Variants in TIGD4 observed in about 807,000 individuals in gnomAD.
TIGD4 encodes the protein tigger transposable element derived 4.
TIGD4 carries 20 observed loss-of-function variants against 24.9 expected under a neutral mutation model. That is an observed-to-expected ratio of 0.80 (90% CI 0.56 to 1.17). The LOEUF is 1.17. Among genes scored for constraint, TIGD4 ranks in the 50% most tolerant of loss-of-function variants. The probability of loss-of-function intolerance (pLI) is 0.00; values close to 1 mark genes in which losing one functional copy is unlikely to be tolerated. For synonymous variants in TIGD4, 193 were observed against 211.0 expected (o/e 0.91, Z 0.74); for missense variants, 566 against 591.0 (o/e 0.96, Z 0.44).
intron 1 of TIGD4, among the ~76,000 whole-genome samples, chr4:152,772,758 C>CTGG (rs139109882): frequency 0.016 from 2,356 of 151,760 alleles, 64 homozygotes; most frequent in African/African-American, 0.054. Flanking sequence ...GTCGCCCAGG[C>CTGG]TGGTATACAG....
rs1223908122 is a variant in TIGD4 at position 152,773,692 on chromosome 4, T to C, written c.-538-2150A>G. ...GCAACATTAGGCCTCCATGGAAGAA[T>C]AGGCCATTATGAATTCTGTGAACAC... On this transcript the variant is annotated intron_variant, in intron 1 of 1. Coordinates refer to ENST00000304337, the MANE Select transcript of TIGD4 (RefSeq NM_145720.4). Among the ~76,000 whole-genome samples, 4 of 119,820 alleles carry C rather than the reference T, an allele frequency of 3.3e-5. No homozygotes were observed. The East Asian group carries it at 7.2e-4, about 21-fold the overall frequency. 78.6% of individuals were successfully genotyped at this position (119,820 alleles called of 152,430 possible).
chr4:152,772,999 C>T (rs1183605177), intron 1 of TIGD4, among the ~76,000 whole-genome samples: 2 of 152,154 alleles, frequency 1.3e-5, no homozygotes, highest in South Asian at 2.1e-4. Context: ...GGATTACAGG[C>T]GTGAGCCACT....
At chr4:152,773,489 AG>A (rs1306792116) in intron 1 of TIGD4, among the ~76,000 whole-genome samples, 1 of 152,118 alleles carries the variant, frequency 6.6e-6, no homozygotes, top group Non-Finnish European at 1.5e-5. Flanking sequence ...AATGTGGTTA[AG>A]AGCAGTCCAG....
rs372084096 is a variant in TIGD4, at chr4:152,770,421, T to C, written c.584A>G (p.Asn195Ser). The change falls in exon 2 of 2, where the codon AAT (asparagine) becomes AGT (serine). Residue 195 changes from asparagine to serine, a missense_variant. Physicochemically the swap from Asn to Ser is conservative, Grantham distance 46. Coordinates refer to ENST00000304337, the MANE Select transcript of TIGD4 (RefSeq NM_145720.4). ...TGTTTCGCCTTTAAATGCAAATGTA[T>C]TGGTAGGTAACATTCGATAAAGCAG... ...TGLLYRMLPT[N>S]TFAFKGETCS... 142 of 1,614,010 alleles carry C rather than the reference T, an allele frequency of 8.8e-5. No individual in the cohort carries two copies. The African/African-American group carries it at 1.7e-3, about 20-fold the overall frequency.
chr4:152,770,250 T>C lies in TIGD4; in HGVS notation c.755A>G (p.Tyr252Cys), dbSNP rs757981171. The part of the protein sequence containing the change: ...FKGLKSLPVC[Y>C]EANRMAWMTS... The stretch of plus-strand genomic sequence containing the variant: ...CATCCATGCCATTCTGTTAGCTTCA[T>C]AACACACAGGCAATGATTTTAAACC... Residue 252 changes from tyrosine (Y) to cysteine (C), a missense_variant, in exon 2 of 2, where the codon TAT becomes TGT. Physicochemically the swap from Tyr to Cys is radical, Grantham distance 194 (BLOSUM62 -2). Transcript: ENST00000304337. 3 of 1,613,986 alleles carry C rather than the reference T, an allele frequency of 1.9e-6. No individual in the cohort carries two copies. The highest frequency in any genetic ancestry group is 2.5e-6 in the Non-Finnish European group (3 of 1,179,974).
At chr4:152,776,673 T>A (rs1346817712) in intron 1 of TIGD4, among the ~76,000 whole-genome samples, 3 of 152,206 alleles carry the variant, frequency 2.0e-5, no homozygotes, top group Non-Finnish European at 4.4e-5. Context: ...CTGGTATTCT[T>A]GAACTTGCCT....
At chr4:152,775,576 G>A (rs1252060708) in intron 1 of TIGD4, among the ~76,000 whole-genome samples, 1 of 152,194 alleles carries the variant, frequency 6.6e-6, no homozygotes, top group Non-Finnish European at 1.5e-5. Flanking sequence ...ACTACTCTCA[G>A]CTTCTAGAGG....
intron 1 of TIGD4, among the ~76,000 whole-genome samples, chr4:152,775,932 C>G (rs1164444426): frequency 6.6e-6 from 1 of 152,156 alleles, no homozygotes; most frequent in East Asian, 1.9e-4. Context: ...CCACCTGCTA[C>G]ACGGGACTAT....
In TIGD4 at chr4:152,769,663, C is replaced by T. The variant is rs781577008; in HGVS notation, c.1342G>A (p.Glu448Lys). The change falls in exon 2 of 2, where the codon GAA becomes AAA. Residue 448 changes from glutamate to lysine, a missense_variant. Coordinates refer to ENST00000304337, the MANE Select transcript of TIGD4 (RefSeq NM_145720.4). Reference protein sequence around the residue: ...SICTKESKSDETGFYTSDEED... With the variant: ...SICTKESKSDKTGFYTSDEED... ...TCATCAGAAGTGTAAAATCCAGTTT[C>T]ATCCGATTTACTTTCTTTGGTGCAT... The T allele has an allele frequency of 6.2e-7, 1 of 1,613,206 alleles. No individual in the cohort carries two copies. Among genetic ancestry groups the T allele is most frequent in the South Asian group, 1.1e-5 (1 of 90,844 alleles).
At chr4:152,772,320 GTCTCAGGTCT>G (rs976862694) in intron 1 of TIGD4, among the ~76,000 whole-genome samples, 11 of 151,724 alleles carry the variant, frequency 7.3e-5, no homozygotes, top group Non-Finnish European at 4.4e-5. Context: ...AAGTCTTAAC[GTCTCAGGTCT>G]TCTACTTTCT....
intron 1 of TIGD4, among the ~76,000 whole-genome samples, chr4:152,772,735 G>A (rs1195495551): frequency 6.7e-6 from 1 of 149,074 alleles, no homozygotes; most frequent in Non-Finnish European, 1.5e-5. Context: ...CTTTTGAGAT[G>A]GAGTCTCACT....
At chr4:152,776,648 A>T (rs1404491522) in intron 1 of TIGD4, among the ~76,000 whole-genome samples, 2 of 152,168 alleles carry the variant, frequency 1.3e-5, no homozygotes, top group African/African-American at 2.4e-5. Flanking sequence ...CCATTACCCT[A>T]AGTAGCAGGA....
rs748075828 is a variant in TIGD4, at chr4:152,770,537, T to A, written c.468A>T (p.Val156=). Residue 156 remains valine (V), a synonymous_variant, in exon 2 of 2, where the codon GTA becomes GTT. Transcript: ENST00000304337. ...AQPVEATGVP[V]DPSTVWYQNV... ...TTTGGTACCAGACAGTCGAAGGGTC[T>A]ACTGGTACACCTGTAGCTTCTACAG... The A allele has an allele frequency of 3.1e-6, 5 of 1,613,228 alleles. No individual in the cohort carries two copies. The highest frequency in any genetic ancestry group is 4.2e-6 in the Non-Finnish European group (5 of 1,179,550).
At position 152,770,551 on chromosome 4, in the gene TIGD4, T is replaced by A; in HGVS notation, c.454A>T (p.Thr152Ser). Reference sequence around the variant, plus strand: ...GTCGAAGGGTCTACTGGTACACCTGTAGCTTCTACAGGTTGAGCTCTGAAT... The same window carrying A: ...GTCGAAGGGTCTACTGGTACACCTGAAGCTTCTACAGGTTGAGCTCTGAAT... ...LVFRAQPVEA[T>S]GVPVDPSTVW... The change falls in exon 2 of 2, where the codon ACA (threonine) becomes TCA (serine). Residue 152 changes from threonine to serine, a missense_variant. Thr to Ser is a moderately conservative substitution (Grantham distance 58). Transcript: ENST00000304337. 1 of 1,612,818 alleles carries A rather than the reference T, an allele frequency of 6.2e-7. No individual in the cohort carries two copies. Among genetic ancestry groups the A allele is most frequent in the East Asian group, 2.2e-5 (1 of 44,862 alleles).
At position 152,770,014 on chromosome 4, in the gene TIGD4, G is replaced by A. The variant is rs867840678; in HGVS notation, c.991C>T (p.Arg331Ter). ...AAAAATTTCTTGATAAGACAGTGTCGATATTTGATTTTAAGGCTTTTAATA... is the reference window on the plus strand; with the variant it reads ...AAAAATTTCTTGATAAGACAGTGTCAATATTTGATTTTAAGGCTTTTAATA... ...GVIKSLKIKYRHCLIKKFLSS... is the reference protein window; with the variant it reads ...GVIKSLKIKY Residue 331 changes from arginine (R) to a stop codon, truncating the protein, a stop_gained, in exon 2 of 2, where the codon CGA becomes TGA. Transcript: ENST00000304337. LOFTEE classifies it low-confidence loss of function (END_TRUNC). 12 of 1,610,150 alleles carry A rather than the reference G, an allele frequency of 7.5e-6. No individual in the cohort carries two copies. The highest frequency in any genetic ancestry group is 4.5e-5 in the East Asian group (2 of 44,808).
chr4:152,773,884 A>T (rs1433828427), intron 1 of TIGD4, among the ~76,000 whole-genome samples: 3 of 152,196 alleles, frequency 2.0e-5, no homozygotes, highest in African/African-American at 7.2e-5. Context: ...TCTTGCTCTT[A>T]TTAGGAAGAT....
chr4:152,775,524 A>T (rs1730246115), intron 1 of TIGD4, among the ~76,000 whole-genome samples: 1 of 152,206 alleles, frequency 6.6e-6, no homozygotes, highest in African/African-American at 2.4e-5. Flanking sequence ...TTGCTGTTGT[A>T]GGACTATGGT....
Position 152,769,466 on chromosome 4 carries a change from T to C in TIGD4, c.1539A>G (p.Ter513=), listed in dbSNP as rs1433300003. The change falls in exon 2 of 2, where the codon TAA becomes TAG. Residue 513 remains the stop codon, a stop_retained_variant. Transcript: ENST00000304337. The part of the protein sequence containing the change: ...ENFINSLSPK[*] ...TACTCTTTAGATGTACAATACATAG[T>C]TACTTAGGTGATAAAGAGTTAATAA... is the stretch of plus-strand genomic sequence containing the variant. 1.3e-6 allele frequency: 2 copies of C among 1,510,988 alleles called. No individual in the cohort carries two copies. Among genetic ancestry groups the C allele is most frequent in the Non-Finnish European group, 1.8e-6 (2 of 1,120,294 alleles). The allele number at this position is 1,510,988 out of a possible 1,614,324, so 93.6% of individuals were successfully genotyped here.
chr4:152,773,438 A>G (rs565741754), intron 1 of TIGD4, among the ~76,000 whole-genome samples: 2 of 152,280 alleles, frequency 1.3e-5, no homozygotes, highest in Admixed American at 1.3e-4. Flanking sequence ...CAAATAACTA[A>G]GGAGGAAGGT....
Sources: allele counts gnomAD v4.1 joint callset (sites outside exome capture counted in the v4.1 genomes callset), GRCh38; gene constraint gnomAD v4.1.1; transcripts MANE v1.5; gene names NCBI Gene and HGNC (gene_info 2026-07-23, HGNC 2026-07-21).